The following GMDS variants were observed in gnomAD, a reference collection of about 807,000 sequenced individuals.
The protein encoded by GMDS is GDP-mannose 4,6-dehydratase, also known as GDP-mannose 4,6 dehydratase.
A neutral mutation model predicts 49.9 loss-of-function variants in GMDS; 20 were observed. That is an observed-to-expected ratio of 0.40 (90% CI 0.28 to 0.58). GMDS has a LOEUF of 0.58. GMDS is among the 20% of genes least tolerant of loss of function. The pLI is 0.42. For synonymous variants in GMDS, 177 were observed against 178.6 expected, an observed-to-expected ratio of 0.99 and a Z score of 0.07; for missense variants, 362 against 481.4, an observed-to-expected ratio of 0.75 and a Z score of 2.32.
intron 7 of GMDS, among the ~76,000 whole-genome samples, chr6:1,825,877 G>A (rs935981202): frequency 6.6e-6 from 1 of 152,122 alleles, no homozygotes; most frequent in South Asian, 2.1e-4. Flanking sequence ...TTAGCCAGGC[G>A]TGGTGGCATG....
intron 7 of GMDS, among the ~76,000 whole-genome samples, chr6:1,826,990 G>A (rs1318097354): frequency 6.6e-6 from 1 of 151,890 alleles, no homozygotes; most frequent in East Asian, 1.9e-4. Context: ...TCACCTGAGC[G>A]TAGGAGTTCA....
chr6:2,180,351 T>C (rs1778464343), intron 1 of GMDS, among the ~76,000 whole-genome samples: 1 of 152,230 alleles, frequency 6.6e-6, no homozygotes, highest in African/African-American at 2.4e-5. Flanking sequence ...ACTAATCTGC[T>C]TTCTCAGCTG....
chr6:1,820,527 T>C (rs930108522), intron 7 of GMDS, among the ~76,000 whole-genome samples: 4 of 152,232 alleles, frequency 2.6e-5, no homozygotes, highest in Non-Finnish European at 1.5e-5. Flanking sequence ...ATATCTCACA[T>C]GAAATTACTG....
At chr6:2,175,505 G>A (rs2127557752) in intron 1 of GMDS, among the ~76,000 whole-genome samples, 1 of 152,318 alleles carries the variant, frequency 6.6e-6, no homozygotes, top group Middle Eastern at 3.4e-3. Context: ...AGGGAGTTGT[G>A]TCGACAGAAA....
chr6:1,857,539 T>G (rs369950967), intron 7 of GMDS, among the ~76,000 whole-genome samples: 5 of 152,218 alleles, frequency 3.3e-5, no homozygotes, highest in African/African-American at 4.8e-5. Context: ...ACTTGGAAAG[T>G]GCCCTTAAAC....
At chr6:1,647,672 A>G (rs978480108) in intron 9 of GMDS, among the ~76,000 whole-genome samples, 1 of 152,166 alleles carries the variant, frequency 6.6e-6, no homozygotes, top group Non-Finnish European at 1.5e-5. Context: ...CAGTGGAAGG[A>G]AAGTAGGAAA....
intron 9 of GMDS, among the ~76,000 whole-genome samples, chr6:1,689,550 TGGATATTA>T (rs1765100172): frequency 6.6e-6 from 1 of 152,184 alleles, no homozygotes; most frequent in South Asian, 2.1e-4. Context: ...TATAAGACAA[TGGATATTA>T]GGAGTAAATA....
chr6:1,966,961 C>T (rs1764296619), intron 4 of GMDS, among the ~76,000 whole-genome samples: 1 of 152,130 alleles, frequency 6.6e-6, no homozygotes, highest in Admixed American at 6.5e-5. Flanking sequence ...TTTGAGTCCT[C>T]CCCCACCTGG....
At chr6:1,723,596 A>AT (rs775162920) in intron 9 of GMDS, among the ~76,000 whole-genome samples, 1 of 149,466 alleles carries the variant, frequency 6.7e-6, no homozygotes, top group Non-Finnish European at 1.5e-5. Context: ...CTTTATGGCA[A>AT]TTTTTTTTTC....
chr6:1,828,284 C>T (rs6907719), intron 7 of GMDS, among the ~76,000 whole-genome samples: 22,570 of 151,908 alleles, frequency 0.15, 1,883 homozygotes, highest in South Asian at 0.24. Context: ...AAGTGAACAG[C>T]GCCTAAGGAA....
chr6:1,854,598 C>T (rs755523669), intron 7 of GMDS, among the ~76,000 whole-genome samples: 4 of 152,288 alleles, frequency 2.6e-5, no homozygotes, highest in Non-Finnish European at 4.4e-5. Context: ...CACTGTTGAA[C>T]AGAACAGCTA....
chr6:1,928,956 G>C (rs1056079596), intron 7 of GMDS, among the ~76,000 whole-genome samples: 2 of 149,076 alleles, frequency 1.3e-5, no homozygotes, highest in African/African-American at 5.0e-5. Context: ...GCAACAGAGA[G>C]AGACTCTGTC....
At chr6:1,784,447 TGC>T (rs1385072375) in intron 7 of GMDS, among the ~76,000 whole-genome samples, 1 of 148,058 alleles carries the variant, frequency 6.8e-6, no homozygotes, top group East Asian at 2.0e-4. Flanking sequence ...CCCTTTCCCC[TGC>T]CTGAGGATGT....
intron 1 of GMDS, among the ~76,000 whole-genome samples, chr6:2,185,266 A>T (rs1040532970): frequency 6.6e-6 from 1 of 152,226 alleles, no homozygotes; most frequent in African/African-American, 2.4e-5. Flanking sequence ...ATCAACAACA[A>T]CATCCTCCTA....
At chr6:2,157,815 A>G (rs1777183423) in intron 1 of GMDS, among the ~76,000 whole-genome samples, 1 of 152,208 alleles carries the variant, frequency 6.6e-6, no homozygotes, top group African/African-American at 2.4e-5. Flanking sequence ...ATACAATTAT[A>G]TGTTTCAGCC....
At chr6:1,987,781 C>T (rs1765650678) in intron 4 of GMDS, among the ~76,000 whole-genome samples, 1 of 152,176 alleles carries the variant, frequency 6.6e-6, no homozygotes, top group South Asian at 2.1e-4. Context: ...TAGTCTACTT[C>T]ATAGTAATTT....
intron 1 of GMDS, among the ~76,000 whole-genome samples, chr6:2,159,480 C>T (rs377621315): frequency 3.3e-5 from 5 of 150,584 alleles, no homozygotes; most frequent in Admixed American, 1.3e-4. Context: ...TCATGGCATA[C>T]CTTTTTCTTA....
At chr6:2,154,863 CAAAAAAAAAA>C (rs70992124) in intron 1 of GMDS, among the ~76,000 whole-genome samples, 1 of 65,626 alleles carries the variant, frequency 1.5e-5, no homozygotes, top group Non-Finnish European at 3.0e-5. Flanking sequence ...TGAAGAGATG[CAAAAAAAAAA>C]AAAAAAAAAA....
At chr6:1,757,667 C>G (rs189686229) in intron 7 of GMDS, among the ~76,000 whole-genome samples, 102 of 152,310 alleles carry the variant, frequency 6.7e-4, no homozygotes, top group Non-Finnish European at 3.7e-4. Flanking sequence ...TCTAGGCCCA[C>G]TAGGTTTCTT....
Sources: allele counts gnomAD v4.1 joint callset (sites outside exome capture counted in the v4.1 genomes callset), GRCh38; gene constraint gnomAD v4.1.1; transcripts MANE v1.5; gene names NCBI Gene and HGNC (gene_info 2026-07-23, HGNC 2026-07-21).